Variants in MYO7B observed in about 807,000 individuals in gnomAD.
MYO7B encodes unconventional myosin-VIIb.
A neutral mutation model predicts 259.7 loss-of-function variants in MYO7B; 212 were observed. That is an observed-to-expected ratio of 0.82 (90% CI 0.73 to 0.91). The LOEUF (loss-of-function observed/expected upper bound fraction) is 0.91. MYO7B is among the 40% of genes least tolerant of loss of function. The pLI is 0.00. For synonymous variants in MYO7B, 1,197 were observed against 1,166.4 expected, an observed-to-expected ratio of 1.03 and a Z score of -0.54; for missense variants, 2,732 against 2,813.5, an observed-to-expected ratio of 0.97 and a Z score of 0.66.
rs185174837 is a variant in MYO7B, at chr2:127,538,004, G to A, written c.-24+2173G>A. Among the ~76,000 whole-genome samples the A allele has an allele frequency of 1.6e-4, 25 of 152,256 alleles. No individual in the cohort carries two copies. In the East Asian group the frequency reaches 2.5e-3, roughly 15 times the overall value. On this transcript the variant is annotated intron_variant, in intron 1 of 47. Transcript: ENST00000409816. ...TTCCTTCACTGCCAGCTGGGGAGGC[G>A]AGGCTGCGAAGGAAAAGTGACCCAT... is the stretch of plus-strand genomic sequence containing the variant.
chr2:127,628,956 G>A lies in MYO7B; in HGVS notation c.4624+421G>A, dbSNP rs967273906. 2.6e-5 allele frequency among the ~76,000 whole-genome samples: 4 copies of A among 152,230 alleles called. No individual in the cohort carries two copies. The highest frequency in any genetic ancestry group is 9.6e-5 in the African/African-American group (4 of 41,460). ...CACCCAGGGTCACACAGCTCAAGGGGGTGGGAGCCTAGTTCTTGGCCACAG... is the reference window on the plus strand; with the variant it reads ...CACCCAGGGTCACACAGCTCAAGGGAGTGGGAGCCTAGTTCTTGGCCACAG... On this transcript the variant is annotated intron_variant, in intron 34 of 47. Transcript: ENST00000409816. The surrounding 1 kb of genome is among the most constrained non-coding windows in gnomAD (Gnocchi z 4.8).
At chr2:127,621,878 C>T (rs1049462659) in intron 27 of MYO7B, 104 bp from the exon 28 acceptor site, 4 of 1,491,860 alleles carry the variant, frequency 2.7e-6, no homozygotes, top group Non-Finnish European at 2.7e-6. Flanking sequence ...CCTCAATGCA[C>T]ATTATACACT....
At chr2:127,572,802 G>T (rs1464330818) in intron 6 of MYO7B, among the ~76,000 whole-genome samples, 1 of 152,096 alleles carries the variant, frequency 6.6e-6, no homozygotes, top group Non-Finnish European at 1.5e-5. Flanking sequence ...ACACTGTCTT[G>T]ATTTCTATAG....
At chr2:127,635,686 T>C (rs2255178) in intron 43 of MYO7B, 36 bp from the exon 44 acceptor site, 912,128 of 1,565,772 alleles carry the variant, frequency 0.58, 274,152 homozygotes, top group African/African-American at 0.91. Context: ...GGGCCGCAGC[T>C]GGAGACCCAG....
chr2:127,563,629 A>G (rs998252867), intron 2 of MYO7B, among the ~76,000 whole-genome samples: 1 of 152,206 alleles, frequency 6.6e-6, no homozygotes, highest in Admixed American at 6.5e-5. Flanking sequence ...TTTGCATGCC[A>G]GGATGGGCTC....
chr2:127,594,225 A>G (rs1244866677), intron 18 of MYO7B, among the ~76,000 whole-genome samples: 1 of 152,216 alleles, frequency 6.6e-6, no homozygotes, highest in African/African-American at 2.4e-5. Context: ...GGCCCTCCAG[A>G]AGTGCCATTT....
intron 28 of MYO7B, among the ~76,000 whole-genome samples, chr2:127,622,592 C>G (rs1472245512): frequency 6.6e-6 from 1 of 152,212 alleles, no homozygotes; most frequent in Non-Finnish European, 1.5e-5. Flanking sequence ...GCACCCGGCT[C>G]TACACAAAGC....
intron 18 of MYO7B, 42 bp downstream of exon 18, chr2:127,593,686 C>T (rs373896108): frequency 1.3e-6 from 2 of 1,573,568 alleles, no homozygotes; most frequent in South Asian, 1.1e-5. Flanking sequence ...CCTCCTGCAG[C>T]ATGTGGGCTT....
In MYO7B at chr2:127,624,112, G is replaced by T. The variant is rs777116290; in HGVS notation, c.3839G>T (p.Gly1280Val). Residue 1280 changes from glycine to valine, a missense_variant, in exon 30 of 48, where the codon GGG becomes GTG. By Grantham distance (109) the Gly-to-Val change is moderately radical. Coordinates refer to ENST00000409816, the MANE Select transcript of MYO7B (RefSeq NM_001393586.1). ...CCTCAGTTCTGGTCCCTGGGCAGCG[G>T]GCGCGACCACATGATGGATGCCATC... is the stretch of plus-strand genomic sequence containing the variant. ...VYDKFWSLGS[G>V]RDHMMDAIAR... The T allele has an allele frequency of 1.9e-6, 3 of 1,575,724 alleles. No homozygotes were observed. In the Admixed American group the frequency reaches 5.5e-5, roughly 29 times the overall value.
intron 1 of MYO7B, among the ~76,000 whole-genome samples, chr2:127,548,891 C>T (rs1465595067): frequency 2.0e-5 from 3 of 152,134 alleles, no homozygotes; most frequent in Admixed American, 6.5e-5. Context: ...ACATTTTGGG[C>T]TTTTCCAGTT....
At chr2:127,594,773 G>A (rs759404156) in intron 18 of MYO7B, among the ~76,000 whole-genome samples, 10 of 152,158 alleles carry the variant, frequency 6.6e-5, no homozygotes, top group African/African-American at 2.2e-4. Context: ...GGTGAATTAC[G>A]TGTATTGATT....
intron 37 of MYO7B, 117 bp downstream of exon 37, chr2:127,631,480 T>C: frequency 6.5e-7 from 1 of 1,539,088 alleles, no homozygotes. Flanking sequence ...CTGAGAAACC[T>C]GGAGTGGCGG....
At chr2:127,552,074 A>C (rs1693465369) in intron 1 of MYO7B, among the ~76,000 whole-genome samples, 1 of 152,210 alleles carries the variant, frequency 6.6e-6, no homozygotes, top group Non-Finnish European at 1.5e-5. Context: ...GTGACGGACC[A>C]CAGGGGCCCA....
rs1391776906 is a variant in MYO7B, at chr2:127,577,714, C to T, written c.850-419C>T. 2.0e-5 allele frequency among the ~76,000 whole-genome samples: 3 copies of T among 152,236 alleles called. No individual in the cohort carries two copies. Among genetic ancestry groups the T allele is most frequent in the Non-Finnish European group, 4.4e-5 (3 of 68,036 alleles). ...CTGGCCCCGGCCCCTGTGGTCTGGG[C>T]ACCTGTAACAGGCAAATGGCCATGG... On this transcript the variant is annotated intron_variant, in intron 8 of 47. Transcript: ENST00000409816. This position sits in a 1 kb window ranked among gnomAD's most constrained non-coding sequence, Gnocchi z 5.2.
At position 127,559,126 on chromosome 2, in the gene MYO7B, C is replaced by CTGGGCCTGGCTGCCTACT. The variant is rs996928672; in HGVS notation, c.-23-558_-23-541dup. Among the ~76,000 whole-genome samples, 1 of 152,166 alleles carries CTGGGCCTGGCTGCCTACT rather than the reference C, an allele frequency of 6.6e-6. No homozygotes were observed. Among genetic ancestry groups the CTGGGCCTGGCTGCCTACT allele is most frequent in the Non-Finnish European group, 1.5e-5 (1 of 68,022 alleles). Reference sequence around the variant, plus strand: ...GGGCTCCTCCCCGCTCCTCCTCCTGCTGGGCCTGGCTGCCTACTTGGGCCT... The same window carrying CTGGGCCTGGCTGCCTACT: ...GGGCTCCTCCCCGCTCCTCCTCCTGCTGGGCCTGGCTGCCTACTTGGGCCTGGCTGCCTACTTGGGCCT... On this transcript the variant is annotated intron_variant, in intron 1 of 47. Coordinates refer to ENST00000409816, the MANE Select transcript of MYO7B (RefSeq NM_001393586.1). The surrounding 1 kb of genome is among the most constrained non-coding windows in gnomAD (Gnocchi z 4.1).
Position 127,564,051 on chromosome 2 carries a change from G to C in MYO7B, c.19-102G>C, listed in dbSNP as rs943955897. The stretch of plus-strand genomic sequence containing the variant: ...GAGAGACAAGCTCCAGCCACCTTGG[G>C]AGCTCTGGGCTGGAAGGCATAGCCC... On this transcript the variant is annotated intron_variant, in intron 2 of 47. Coordinates refer to ENST00000409816, the MANE Select transcript of MYO7B (RefSeq NM_001393586.1). The C allele has an allele frequency of 2.2e-5, 17 of 769,446 alleles. No homozygotes were observed. In the African/African-American group the frequency reaches 2.8e-4, roughly 13 times the overall value. 47.7% of individuals were successfully genotyped at this position (769,446 alleles called of 1,614,324 possible).
At chr2:127,606,063 T>C (rs1680148540) in intron 20 of MYO7B, 135 bp downstream of exon 20, 7 of 698,488 alleles carry the variant, frequency 1.0e-5, no homozygotes, top group Non-Finnish European at 1.5e-5. Flanking sequence ...AGACGTGGCA[T>C]GCAAATTTAA....
chr2:127,618,071 C>T (rs1274674300), intron 26 of MYO7B, among the ~76,000 whole-genome samples: 3 of 152,120 alleles, frequency 2.0e-5, no homozygotes, highest in South Asian at 2.1e-4. Flanking sequence ...TTCTATTTAT[C>T]CCTACTTATC....
chr2:127,569,682 C>T, intron 5 of MYO7B, 107 bp from the exon 6 acceptor site: 1 of 1,408,184 alleles, frequency 7.1e-7, no homozygotes, highest in Non-Finnish European at 9.6e-7. Flanking sequence ...GAGGCCATCC[C>T]TGTCAGACTG....
Sources: allele counts gnomAD v4.1 joint callset (sites outside exome capture counted in the v4.1 genomes callset), GRCh38; gene constraint gnomAD v4.1.1; non-coding constraint Gnocchi (gnomAD v3.1); transcripts MANE v1.5; gene names NCBI Gene and HGNC (gene_info 2026-07-23, HGNC 2026-07-21).